The following STS variants were observed in gnomAD, a reference collection of about 807,000 sequenced individuals.
STS encodes steroid sulfatase.
Under a neutral mutation model 26.8 loss-of-function variants are expected in STS, and 7 were observed. The ratio of observed to expected loss-of-function variants is 0.26; its 90% CI spans 0.15 to 0.49. The LOEUF is 0.49. Among genes scored for constraint, STS ranks in the 20% least tolerant of loss-of-function variants. The pLI is 0.98. For missense variants in STS, 434 were observed against 465.6 expected, an observed-to-expected ratio of 0.93 and a Z score of 0.63; for synonymous variants, 199 against 189.4, an observed-to-expected ratio of 1.05 and a Z score of -0.42.
Position 7,191,762 on chromosome X carries a change from G to A in STS, c.-5+754G>A, listed in dbSNP as rs1253763908. Among the ~76,000 whole-genome samples, 4 of 106,978 alleles carry A rather than the reference G, an allele frequency of 3.7e-5. No homozygotes were observed. In the Admixed American group the frequency reaches 3.9e-4, roughly 11 times the overall value. 92.9% of individuals were successfully genotyped at this position (106,978 alleles called of 115,157 possible). ...CATACCCAGGTTCATCCCTGCAGGA[G>A]GAGCTCTTTCCCCTGATGGAGGTGA... On this transcript the variant is annotated intron_variant, in intron 2 of 10. Transcript: ENST00000674429.
At chrX:7,240,838 C>T (rs1024171473) in intron 2 of STS, among the ~76,000 whole-genome samples, 1 of 109,659 alleles carries the variant, frequency 9.1e-6, no homozygotes, top group East Asian at 2.9e-4. Context: ...CATTGTCGTG[C>T]GATCCACTCC....
At chrX:7,253,135 A>G (rs751277844) in intron 2 of STS, 61 bp from the exon 3 acceptor site, 14 of 1,188,163 alleles carry the variant, frequency 1.2e-5, no homozygotes, top group Non-Finnish European at 1.5e-5. Context: ...TGGGCAACAG[A>G]GCAAAACCTT....
At chrX:7,251,603 T>C (rs1295401551) in intron 2 of STS, among the ~76,000 whole-genome samples, 1 of 111,313 alleles carries the variant, frequency 9.0e-6, no homozygotes, top group African/African-American at 3.3e-5. Context: ...AAGCCCAGAC[T>C]CCACCACTAC....
At chrX:7,335,940 A>G (rs1443553869) in intron 10 of STS, among the ~76,000 whole-genome samples, 2 of 111,466 alleles carry the variant, frequency 1.8e-5, no homozygotes, top group Non-Finnish European at 3.8e-5. Context: ...CTTATTTCTG[A>G]GGACTCTGTT....
At chrX:7,171,961 A>G (rs1298246142) in intron 1 of STS, among the ~76,000 whole-genome samples, 1 of 112,211 alleles carries the variant, frequency 8.9e-6, no homozygotes, top group Non-Finnish European at 1.9e-5. Context: ...ACCGAGTTGT[A>G]CAATTCAATG....
Position 7,148,013 on chromosome X carries a change from A to C in STS, c.-204A>C. On this transcript the variant is annotated 5_prime_UTR_variant, in exon 1 of 11. Transcript: ENST00000674429. ...CGCCGACCGTCCCCACGCCCACACA[A>C]GACCGCCCTTACTGGAGGCGGCGGC... 9.2e-7 allele frequency: 1 copy of C among 1,083,036 alleles called. No individual in the cohort carries two copies. Among genetic ancestry groups the C allele is most frequent in the Non-Finnish European group, 1.2e-6 (1 of 808,839 alleles). The allele number at this position is 1,083,036 out of a possible 1,213,427, so 89.3% of individuals were successfully genotyped here.
At chrX:7,256,855 C>T (rs1452349840) in intron 3 of STS, among the ~76,000 whole-genome samples, 1 of 112,063 alleles carries the variant, frequency 8.9e-6, no homozygotes, top group Non-Finnish European at 1.9e-5. Flanking sequence ...TTCCCCACCT[C>T]CCCTGCCTCT....
At chrX:7,165,285 A>T (rs2146992534) in intron 1 of STS, among the ~76,000 whole-genome samples, 1 of 109,304 alleles carries the variant, frequency 9.1e-6, no homozygotes, top group South Asian at 4.1e-4. Flanking sequence ...GACTCCAGAC[A>T]TTGTCCAACA....
At position 7,349,874 on chromosome X, in the gene STS, CT is replaced by C. The variant is rs1928711343; in HGVS notation, c.1364-10del. 8 of 1,211,721 alleles carry C rather than the reference CT, an allele frequency of 6.6e-6. No individual in the cohort carries two copies. In the South Asian group the frequency reaches 1.4e-4, roughly 21 times the overall value. On this transcript the variant is annotated splice_polypyrimidine_tract_variant and intron_variant, in intron 10 of 10. Coordinates refer to ENST00000674429, the MANE Select transcript of STS (RefSeq NM_001320752.2). ...CTTCATACCTAATGCCGTTTCCATC[CT>C]TTTAAACCACAGGCACATCCATCTG... is the stretch of plus-strand genomic sequence containing the variant.
chrX:7,334,905 C>T (rs778908530), intron 10 of STS, among the ~76,000 whole-genome samples: 1 of 112,321 alleles, frequency 8.9e-6, no homozygotes, highest in Non-Finnish European at 1.9e-5. Context: ...AATTAGCATA[C>T]AGGAACAAAT....
chrX:7,158,817 T>C (rs189532394), intron 1 of STS, among the ~76,000 whole-genome samples: 2 of 112,292 alleles, frequency 1.8e-5, no homozygotes, highest in Non-Finnish European at 3.8e-5. Flanking sequence ...AGAAACATCA[T>C]GTGATGTGCT....
chrX:7,308,265 T>C (rs1926310233), intron 8 of STS, among the ~76,000 whole-genome samples: 1 of 112,428 alleles, frequency 8.9e-6, no homozygotes, highest in African/African-American at 3.2e-5. Flanking sequence ...TTCTCTCTCT[T>C]AGTGCCTGTT....
At chrX:7,286,911 C>T (rs1351632125) in intron 7 of STS, among the ~76,000 whole-genome samples, 2 of 111,878 alleles carry the variant, frequency 1.8e-5, no homozygotes, top group African/African-American at 6.5e-5. Context: ...CTTTTCATTA[C>T]TGCAGGAAGA....
chrX:7,182,676 C>T (rs1265793006), intron 1 of STS, among the ~76,000 whole-genome samples: 2 of 110,897 alleles, frequency 1.8e-5, no homozygotes, highest in Admixed American at 1.9e-4. Flanking sequence ...TAACAATTCT[C>T]AGATATGACA....
At chrX:7,334,236 G>GCTTT in intron 10 of STS, 129 bp downstream of exon 10, 1 of 954,519 alleles carries the variant, frequency 1.0e-6, no homozygotes, top group Non-Finnish European at 1.5e-6. Flanking sequence ...GTGCGCCCAT[G>GCTTT]CTTTGCTTTG....
At chrX:7,180,915 TG>T (rs1933668035) in intron 1 of STS, among the ~76,000 whole-genome samples, 1 of 112,450 alleles carries the variant, frequency 8.9e-6, no homozygotes, top group Admixed American at 9.4e-5. Flanking sequence ...CTTATCAACC[TG>T]TTCACAGCAT....
chrX:7,309,079 G>A (rs185351511), intron 8 of STS, among the ~76,000 whole-genome samples: 82 of 110,977 alleles, frequency 7.4e-4, no homozygotes, highest in Non-Finnish European at 1.2e-3. Flanking sequence ...GAGCCATCTC[G>A]GTATTTGAAC....
intron 9 of STS, among the ~76,000 whole-genome samples, chrX:7,328,066 TC>T (rs1355493265): frequency 8.9e-5 from 10 of 111,803 alleles, no homozygotes; most frequent in African/African-American, 3.3e-4. Context: ...AGAAAGTTTT[TC>T]CTATATAAAG....
At chrX:7,346,656 T>C (rs1161762336) in intron 10 of STS, among the ~76,000 whole-genome samples, 1 of 112,138 alleles carries the variant, frequency 8.9e-6, no homozygotes, top group Non-Finnish European at 1.9e-5. Flanking sequence ...ATTTTTAAAA[T>C]ACAGTAGTGA....
Sources: allele counts gnomAD v4.1 joint callset (sites outside exome capture counted in the v4.1 genomes callset), GRCh38; gene constraint gnomAD v4.1.1; transcripts MANE v1.5; gene names NCBI Gene and HGNC (gene_info 2026-07-23, HGNC 2026-07-21).